Variants in NAV2 observed in about 807,000 individuals in gnomAD.
The protein encoded by NAV2 is helicase, APC down-regulated 1.
Under a neutral mutation model 223.2 loss-of-function variants are expected in NAV2, and 54 were observed. That is an observed-to-expected ratio of 0.24 (90% CI 0.19 to 0.30). The LOEUF is 0.30. Among genes scored for constraint, NAV2 ranks in the 10% least tolerant of loss-of-function variants. The pLI is 1.00. For synonymous variants in NAV2, 1,279 were observed against 1,239.3 expected (o/e 1.03, Z -0.67); for missense variants, 2,806 against 3,147.5 (o/e 0.89, Z 2.60).
intron 1 of NAV2, among the ~76,000 whole-genome samples, chr11:19,389,095 T>A (rs1484979627): frequency 6.6e-6 from 1 of 152,202 alleles, no homozygotes; most frequent in Non-Finnish European, 1.5e-5. Flanking sequence ...GCTGTCCCCA[T>A]ATCAATACTC....
chr11:19,733,095 A>G (rs2051959717), intron 1 of NAV2, among the ~76,000 whole-genome samples: 1 of 152,150 alleles, frequency 6.6e-6, no homozygotes, highest in Non-Finnish European at 1.5e-5. Context: ...TCCCCCTCCA[A>G]TGGGAACAGA....
chr11:19,717,297 T>C (rs1424949838), intron 1 of NAV2, among the ~76,000 whole-genome samples: 3 of 152,206 alleles, frequency 2.0e-5, no homozygotes, highest in African/African-American at 4.8e-5. Flanking sequence ...TATAATCTAG[T>C]TGGGAGGCAT....
rs146972682 is a variant in NAV2 at position 20,095,756 on chromosome 11, C to T, written c.6001C>T (p.Arg2001Trp). ...GGATGTGCTCGATGGGGTGGTTAGACGGCTGTTCAAAGTAAGTGTTTCAAG... is the reference window on the plus strand; with the variant it reads ...GGATGTGCTCGATGGGGTGGTTAGATGGCTGTTCAAAGTAAGTGTTTCAAG... ...KWDVLDGVVR[R>W]LFKEYIIHVD... The change falls in exon 30 of 38, where the codon CGG (arginine) becomes TGG (tryptophan). Residue 2001 changes from arginine to tryptophan, a missense_variant. Coordinates refer to ENST00000349880, the MANE Select transcript of NAV2 (RefSeq NM_145117.5). The T allele has an allele frequency of 3.7e-5, 60 of 1,613,376 alleles. No individual in the cohort carries two copies. The highest frequency in any genetic ancestry group is 3.3e-4 in the Middle Eastern group (2 of 6,062).
At chr11:19,442,520 A>G (rs1034367677) in intron 1 of NAV2, among the ~76,000 whole-genome samples, 4 of 152,216 alleles carry the variant, frequency 2.6e-5, no homozygotes, top group African/African-American at 9.6e-5. Flanking sequence ...ATATGGCTAG[A>G]AAGGAGGTGC....
chr11:19,453,474 T>A (rs530979919), intron 1 of NAV2, among the ~76,000 whole-genome samples: 1 of 152,360 alleles, frequency 6.6e-6, no homozygotes, highest in African/African-American at 2.4e-5. Flanking sequence ...AAACTGATGT[T>A]AGAAATGTGT....
At chr11:19,705,411 C>T (rs1016322558) in intron 1 of NAV2, among the ~76,000 whole-genome samples, 4 of 152,168 alleles carry the variant, frequency 2.6e-5, no homozygotes, top group African/African-American at 9.7e-5. Context: ...TTCCTGGACC[C>T]AGCTCCTTGT....
In NAV2 at chr11:20,040,326, G is replaced by T. The variant is rs79084265; in HGVS notation, c.2908-3655G>T. Among the ~76,000 whole-genome samples, 512 of 152,298 alleles carry T rather than the reference G, an allele frequency of 3.4e-3. 3 individuals are homozygous for T. Among genetic ancestry groups the T allele is most frequent in the African/African-American group, 0.012 (499 of 41,560 alleles). On this transcript the variant is annotated intron_variant, in intron 12 of 37. Transcript: ENST00000349880. ...TAAAGATGGACAACAGAGTGCTGGGGATTTTCAGAGGCAGGAAAGTTGGTA... is the reference window on the plus strand; with the variant it reads ...TAAAGATGGACAACAGAGTGCTGGGTATTTTCAGAGGCAGGAAAGTTGGTA...
chr11:19,613,396 C>T (rs1458701764), intron 1 of NAV2, among the ~76,000 whole-genome samples: 1 of 152,174 alleles, frequency 6.6e-6, no homozygotes, highest in African/African-American at 2.4e-5. Context: ...GTTTCCTTTC[C>T]CTACCACCAC....
rs59684012 is a variant in NAV2 at position 20,080,152 on chromosome 11, C to T, written c.5268C>T (p.His1756=). The T allele has an allele frequency of 6.8e-6, 11 of 1,614,106 alleles. No homozygotes were observed. The highest frequency in any genetic ancestry group is 9.3e-6 in the Non-Finnish European group (11 of 1,179,986). ...CCAGCATCAACAGTGCCACCAGCCA[C>T]TCCAGCGTGGGCAGCAACATAGAGA... ...SVSSINSATS[H]SSVGSNIESD... is the part of the protein sequence containing the mutation. Residue 1756 remains histidine, a synonymous_variant, in exon 25 of 38, where the codon CAC becomes CAT. Coordinates refer to ENST00000349880, the MANE Select transcript of NAV2 (RefSeq NM_145117.5).
chr11:19,754,290 C>T (rs2054069479), intron 1 of NAV2, among the ~76,000 whole-genome samples: 2 of 152,134 alleles, frequency 1.3e-5, no homozygotes, highest in South Asian at 4.1e-4. Context: ...TATTAATTAA[C>T]TCCAGAAGGA....
intron 11 of NAV2, among the ~76,000 whole-genome samples, chr11:19,989,078 C>G (rs966813912): frequency 1.3e-5 from 2 of 152,178 alleles, no homozygotes; most frequent in African/African-American, 4.8e-5. Context: ...TCCCCTCACG[C>G]TTCATTCTAA....
intron 1 of NAV2, among the ~76,000 whole-genome samples, chr11:19,355,903 G>T (rs1853589196): frequency 6.6e-6 from 1 of 152,192 alleles, no homozygotes; most frequent in South Asian, 2.1e-4. Flanking sequence ...GAGCTCTGGG[G>T]CATTGAAGGT....
chr11:19,495,317 A>G (rs966163995), intron 1 of NAV2, among the ~76,000 whole-genome samples: 3 of 152,220 alleles, frequency 2.0e-5, no homozygotes, highest in African/African-American at 4.8e-5. Context: ...TGCCCCTGCC[A>G]TCCAGATGCA....
At chr11:19,614,904 T>C (rs1453039009) in intron 1 of NAV2, among the ~76,000 whole-genome samples, 1 of 152,314 alleles carries the variant, frequency 6.6e-6, no homozygotes, top group South Asian at 2.1e-4. Flanking sequence ...CTTAAAGACC[T>C]CTCTAGCCAC....
intron 1 of NAV2, among the ~76,000 whole-genome samples, chr11:19,666,766 G>A (rs769964855): frequency 1.2e-4 from 18 of 151,920 alleles, no homozygotes; most frequent in African/African-American, 3.4e-4. Context: ...CCACCTTCAC[G>A]TTTATCTAGC....
At chr11:19,464,617 A>C (rs955629740) in intron 1 of NAV2, among the ~76,000 whole-genome samples, 3 of 152,190 alleles carry the variant, frequency 2.0e-5, no homozygotes, top group African/African-American at 7.2e-5. Context: ...TTCCTTGTTT[A>C]GACAGTGGTT....
At chr11:19,481,195 G>A (rs2632027) in intron 1 of NAV2, among the ~76,000 whole-genome samples, 1,699 of 152,190 alleles carry the variant, frequency 0.011, 30 homozygotes, top group African/African-American at 0.04. Flanking sequence ...CTACCTCCTG[G>A]TACCTGTACT....
intron 19 of NAV2, among the ~76,000 whole-genome samples, chr11:20,057,541 A>G (rs1335603914): frequency 1.3e-5 from 2 of 152,186 alleles, no homozygotes; most frequent in Non-Finnish European, 2.9e-5. Context: ...ATAGTAGAGA[A>G]TATATTGTGA....
intron 31 of NAV2, among the ~76,000 whole-genome samples, chr11:20,100,333 C>CCAGT (rs2153697690): frequency 6.6e-6 from 1 of 152,264 alleles, no homozygotes; most frequent in South Asian, 2.1e-4. Flanking sequence ...GCTAGGTCTG[C>CCAGT]CAGTATTCAC....
Sources: gnomAD v4.1 joint callset for allele counts (sites outside exome capture counted in the v4.1 genomes callset) on GRCh38, gnomAD v4.1.1 for gene constraint, MANE v1.5 for transcripts, NCBI Gene and HGNC (gene_info 2026-07-23, HGNC 2026-07-21) for gene names.